The following MAP3K13 variants were observed in gnomAD, a reference collection of about 807,000 sequenced individuals.
The protein encoded by MAP3K13 is leucine zipper-bearing kinase.
MAP3K13 carries 52 observed loss-of-function variants against 104.0 expected under a neutral mutation model. The ratio of observed to expected loss-of-function variants is 0.50; its 90% CI spans 0.40 to 0.63. The LOEUF (loss-of-function observed/expected upper bound fraction) is 0.63, where lower values mean the gene tolerates loss of function less well. Ranked by LOEUF, MAP3K13 falls within the 20% of genes least tolerant of loss-of-function variation. The pLI is 0.00. For missense variants in MAP3K13, 914 were observed against 1,218.5 expected (o/e 0.75, Z 3.72); for synonymous variants, 394 against 442.2 (o/e 0.89, Z 1.37).
Position 185,484,428 on chromosome 3 carries a change from T to C in MAP3K13, c.*1972T>C, listed in dbSNP as rs999061211. ...AACCTCTCTAGATTCACTGGACTCT[T>C]TGACACTGCATCATGTTGGACGTTA... On this transcript the variant is annotated 3_prime_UTR_variant, in exon 14 of 14. Coordinates refer to ENST00000265026, the MANE Select transcript of MAP3K13 (RefSeq NM_004721.5). 4 of 152,234 alleles carry C rather than the reference T, an allele frequency of 2.6e-5. No individual in the cohort carries two copies. The highest frequency in any genetic ancestry group is 9.6e-5 in the African/African-American group (4 of 41,462). The allele number at this position is 152,234 out of a possible 1,614,324, so 9.4% of individuals were successfully genotyped here.
chr3:185,291,598 T>C, intron 2 of MAP3K13: 1 of 1,505,048 alleles, frequency 6.6e-7, no homozygotes, highest in Non-Finnish European at 8.8e-7. Context: ...TTTTGTGTTT[T>C]GTTTTGTTTT....
intron 1 of MAP3K13, among the ~76,000 whole-genome samples, chr3:185,366,442 G>GTA (rs1261479519): frequency 6.6e-6 from 1 of 152,088 alleles, no homozygotes; most frequent in African/African-American, 2.4e-5. Context: ...TTTCTCTTGG[G>GTA]TATATACCTG....
In MAP3K13 at chr3:185,482,465, T is replaced by C; in HGVS notation, c.*9T>C. The stretch of plus-strand genomic sequence containing the variant: ...GCTCTGCTACCTGGTAATGAAGGAA[T>C]ACACATCCTGAAGATCTCGTGACTA... On this transcript the variant is annotated 3_prime_UTR_variant, in exon 14 of 14. Transcript: ENST00000265026. The surrounding 1 kb of genome is among the most constrained non-coding windows in gnomAD (Gnocchi z 4.5). 3 of 1,564,430 alleles carry C rather than the reference T, an allele frequency of 1.9e-6. No homozygotes were observed. Among genetic ancestry groups the C allele is most frequent in the Non-Finnish European group, 2.6e-6 (3 of 1,135,064 alleles).
chr3:185,389,718 A>AC (rs1398212126), intron 1 of MAP3K13, among the ~76,000 whole-genome samples: 1 of 151,754 alleles, frequency 6.6e-6, no homozygotes, highest in Non-Finnish European at 1.5e-5. Context: ...AAAAATGAGG[A>AC]CCCCAAACCA....
intron 1 of MAP3K13, among the ~76,000 whole-genome samples, chr3:185,408,039 T>C (rs1033117917): frequency 2.6e-5 from 4 of 151,890 alleles, no homozygotes; most frequent in Non-Finnish European, 4.4e-5. Flanking sequence ...ACTTTTTTTT[T>C]CTGCCTTACT....
At chr3:185,439,933 T>C (rs1470814176) in intron 3 of MAP3K13, among the ~76,000 whole-genome samples, 1 of 152,146 alleles carries the variant, frequency 6.6e-6, no homozygotes, top group Non-Finnish European at 1.5e-5. Context: ...TGCAGTGTTA[T>C]GTTTGCAGCC....
intron 5 of MAP3K13, 187 bp downstream of exon 5, chr3:185,448,134 G>C (rs191327981): frequency 2.6e-6 from 2 of 769,366 alleles, no homozygotes; most frequent in Non-Finnish European, 4.7e-6. Context: ...GGATTAGGGG[G>C]AATTAGGGTG....
At chr3:185,369,004 G>T (rs1724029587) in intron 1 of MAP3K13, among the ~76,000 whole-genome samples, 1 of 151,102 alleles carries the variant, frequency 6.6e-6, no homozygotes, top group African/African-American at 2.4e-5. Flanking sequence ...TAAAGGTGTT[G>T]TCATCATTTT....
At chr3:185,478,689 C>T (rs1188955106) in intron 12 of MAP3K13, among the ~76,000 whole-genome samples, 11 of 151,896 alleles carry the variant, frequency 7.2e-5, no homozygotes, top group East Asian at 1.9e-4. Flanking sequence ...CTGGCCAACA[C>T]GGCGAAACCC....
rs749122155 is a variant in MAP3K13, at chr3:185,443,494, G to T, written c.709G>T (p.Ala237Ser). The change falls in exon 4 of 14, where the codon GCC (alanine) becomes TCC (serine). Residue 237 changes from alanine to serine, a missense_variant. Physicochemically the swap from Ala to Ser is moderately conservative, Grantham distance 99 (BLOSUM62 1). This residue lies in a region of MAP3K13 where 175 missense variants were observed against 321.3 expected (regional missense o/e 0.54). Coordinates refer to ENST00000265026, the MANE Select transcript of MAP3K13 (RefSeq NM_004721.5). ...PCYCIIMEYC[A>S]HGQLYEVLRA... ...TTATTGTATTATCATGGAATACTGT[G>T]CCCATGGACAACTCTACGAGGTCTT... 9.9e-6 allele frequency: 16 copies of T among 1,614,088 alleles called. No homozygotes were observed. Among genetic ancestry groups the T allele is most frequent in the Non-Finnish European group, 1.4e-5 (16 of 1,179,990 alleles).
At chr3:185,428,465 A>T (rs905739735) in intron 1 of MAP3K13, 32 bp from the exon 2 acceptor site, 4 of 1,367,638 alleles carry the variant, frequency 2.9e-6, no homozygotes, top group Admixed American at 5.7e-5. Flanking sequence ...TAAAGAAAGG[A>T]TGATCTCTTA....
At chr3:185,425,337 T>C (rs1290130597) in intron 1 of MAP3K13, among the ~76,000 whole-genome samples, 1 of 152,244 alleles carries the variant, frequency 6.6e-6, no homozygotes, top group Non-Finnish European at 1.5e-5. Context: ...GTTATTGACA[T>C]TGTCTGTCTA....
intron 1 of MAP3K13, among the ~76,000 whole-genome samples, chr3:185,372,147 C>G (rs1421219606): frequency 6.6e-6 from 1 of 152,200 alleles, no homozygotes; most frequent in African/African-American, 2.4e-5. Flanking sequence ...TGCAACATAC[C>G]TTTGGATATT....
At chr3:185,314,288 C>T (rs1721597957) in intron 2 of MAP3K13, among the ~76,000 whole-genome samples, 1 of 152,172 alleles carries the variant, frequency 6.6e-6, no homozygotes, top group African/African-American at 2.4e-5. Context: ...AAATATGTGG[C>T]TAAATGAGAA....
At chr3:185,358,546 A>G (rs1432739402), upstream of MAP3K13, among the ~76,000 whole-genome samples, 2 of 152,202 alleles carry the variant, frequency 1.3e-5, no homozygotes, top group Non-Finnish European at 2.9e-5. Context: ...TGACACAAGG[A>G]TAGATTTGAG....
chr3:185,342,006 T>C (rs1262196195), intron 2 of MAP3K13, among the ~76,000 whole-genome samples: 1 of 152,176 alleles, frequency 6.6e-6, no homozygotes, highest in Non-Finnish European at 1.5e-5. Flanking sequence ...AATAACTTGC[T>C]CTAGGGGAAG....
At chr3:185,451,740 G>A (rs1404130939) in intron 7 of MAP3K13, among the ~76,000 whole-genome samples, 1 of 151,842 alleles carries the variant, frequency 6.6e-6, no homozygotes, top group Non-Finnish European at 1.5e-5. Context: ...GGTGGCGCAT[G>A]CCTGTAATCC....
intron 12 of MAP3K13, 30 bp from the exon 13 acceptor site, chr3:185,480,202 C>T: frequency 1.9e-6 from 3 of 1,600,138 alleles, no homozygotes; most frequent in Non-Finnish European, 2.6e-6. Context: ...GTTCCTCTGA[C>T]TAAGTTCTCC....
chr3:185,341,592 G>A (rs1224141312), intron 2 of MAP3K13, among the ~76,000 whole-genome samples: 1 of 152,196 alleles, frequency 6.6e-6, no homozygotes. Context: ...GTGATTTTAA[G>A]GCATGTCTAA....
Sources: gnomAD v4.1 joint callset for allele counts (sites outside exome capture counted in the v4.1 genomes callset) on GRCh38, gnomAD v4.1.1 for gene constraint, gnomAD v4.1.1 regional missense constraint, Gnocchi (gnomAD v3.1) non-coding constraint, MANE v1.5 for transcripts, NCBI Gene and HGNC (gene_info 2026-07-23, HGNC 2026-07-21) for gene names.